The following RECQL5 variants were observed in gnomAD, a reference collection of about 807,000 sequenced individuals.
The protein encoded by RECQL5 is RecQ like helicase 5, also known as ATP-dependent DNA helicase Q5.
A neutral mutation model predicts 103.4 loss-of-function variants in RECQL5; 88 were observed. That is an observed-to-expected ratio of 0.85 (90% CI 0.72 to 1.02). The LOEUF (loss-of-function observed/expected upper bound fraction) is 1.02, where lower values mean the gene tolerates loss of function less well. Among genes scored for constraint, RECQL5 ranks in the 50% least tolerant of loss-of-function variants. The pLI is 0.00. For synonymous variants in RECQL5, 552 were observed against 507.9 expected, an observed-to-expected ratio of 1.09 and a Z score of -1.17; for missense variants, 1,232 against 1,284.3, an observed-to-expected ratio of 0.96 and a Z score of 0.62.
intron 7 of RECQL5, among the ~76,000 whole-genome samples, chr17:75,654,748 T>C (rs1455998780): frequency 6.6e-6 from 1 of 152,096 alleles, no homozygotes; most frequent in Non-Finnish European, 1.5e-5. Context: ...GCATCCTGAG[T>C]AGCTAGAACT....
At chr17:75,658,658 C>G (rs1358246547) in intron 6 of RECQL5, among the ~76,000 whole-genome samples, 198 bp from the exon 7 acceptor site, 1 of 152,098 alleles carries the variant, frequency 6.6e-6, no homozygotes, top group Non-Finnish European at 1.5e-5. Context: ...GAGGCCACAG[C>G]AGGAGTTAAG....
intron 8 of RECQL5, chr17:75,633,489 C>T (rs766955854): frequency 8.7e-5 from 112 of 1,288,916 alleles, no homozygotes; most frequent in Non-Finnish European, 1.0e-4. Context: ...CCTTGCCGGG[C>T]GCGCAGGCCA....
In RECQL5 at chr17:75,627,378, T is replaced by TAG; in HGVS notation, c.*42_*43dup. The TAG allele has an allele frequency of 6.8e-7, 1 of 1,461,334 alleles. No homozygotes were observed. The highest frequency in any genetic ancestry group is 1.7e-5 in the Admixed American group (1 of 59,788). 90.5% of individuals were successfully genotyped at this position (1,461,334 alleles called of 1,614,324 possible). Reference sequence around the variant, plus strand: ...AGGTGAGGCCCAGGATGACCCATGCTAGAATCTGGGGGAGGACGCGGGCCC... The same window carrying TAG: ...AGGTGAGGCCCAGGATGACCCATGCTAGAGAATCTGGGGGAGGACGCGGGCCC... On this transcript the variant is annotated 3_prime_UTR_variant, in exon 20 of 20. Coordinates refer to ENST00000317905, the MANE Select transcript of RECQL5 (RefSeq NM_004259.7).
Position 75,658,382 on chromosome 17 carries a change from C to G in RECQL5, c.1065G>C (p.Lys355Asn). The G allele has an allele frequency of 6.2e-7, 1 of 1,614,102 alleles. No individual in the cohort carries two copies. Among genetic ancestry groups the G allele is most frequent in the Non-Finnish European group, 8.5e-7 (1 of 1,179,974 alleles). Residue 355 changes from lysine (K) to asparagine (N), a missense_variant, in exon 7 of 20, where the codon AAG (lysine) becomes AAC (asparagine). Physicochemically the swap from Lys to Asn is moderately conservative, Grantham distance 94 (BLOSUM62 0). Coordinates refer to ENST00000317905, the MANE Select transcript of RECQL5 (RefSeq NM_004259.7). ...AGTAATAGAGACGGCACCAGGAAGG[C>G]TTCCCATCCCTGCCAGCCCGGCCAG... The part of the protein sequence containing the change: ...QESGRAGRDG[K>N]PSWCRLYYSR...
Position 75,665,771 on chromosome 17 carries a change from G to C in RECQL5, c.131-599C>G, listed in dbSNP as rs372790958. 2.0e-4 allele frequency among the ~76,000 whole-genome samples: 30 copies of C among 152,096 alleles called. No individual in the cohort carries two copies. In the South Asian group the frequency reaches 5.0e-3, roughly 25 times the overall value. ...TAAACAGCCATGAAAGCAGAGTACT[G>C]CTAGATGAGTGGGTACATCTGTGTA... is the stretch of plus-strand genomic sequence containing the variant. On this transcript the variant is annotated intron_variant, in intron 2 of 19. Transcript: ENST00000317905.
intron 10 of RECQL5, 50 bp downstream of exon 10, chr17:75,631,100 G>A: frequency 1.2e-6 from 2 of 1,609,750 alleles, no homozygotes; most frequent in Non-Finnish European, 1.7e-6. Flanking sequence ...AGAGGTGCGA[G>A]CAGGGGGCCA....
intron 7 of RECQL5, among the ~76,000 whole-genome samples, chr17:75,654,052 C>A (rs2059587444): frequency 6.6e-6 from 1 of 152,174 alleles, no homozygotes. Context: ...CCCAACTTCC[C>A]AATATGTTTA....
At chr17:75,643,117 T>C (rs1384433799) in intron 8 of RECQL5, among the ~76,000 whole-genome samples, 3 of 152,210 alleles carry the variant, frequency 2.0e-5, no homozygotes, top group African/African-American at 2.4e-5. Context: ...CACAGGGTAG[T>C]GGACGGACAG....
intron 7 of RECQL5, among the ~76,000 whole-genome samples, chr17:75,654,951 C>T (rs1568279829): frequency 6.6e-6 from 1 of 152,138 alleles, no homozygotes; most frequent in Non-Finnish European, 1.5e-5. Context: ...TACCACTACA[C>T]CCAGCTAATT....
rs78262004 is a variant in RECQL5 at position 75,636,495 on chromosome 17, G to C, written c.1230-4827C>G. On this transcript the variant is annotated intron_variant, in intron 8 of 19. Transcript: ENST00000317905. The surrounding 1 kb of genome is among the most constrained non-coding windows in gnomAD (Gnocchi z 5.4). ...GCCTCAGAGCTCCCATGTTCCCCTC[G>C]CCACAGCTGGGAACACTAAGGTTCC... The C allele has an allele frequency of 6.6e-6, 1 of 152,184 alleles. No homozygotes were observed. Among genetic ancestry groups the C allele is most frequent in the Admixed American group, 6.5e-5 (1 of 15,278 alleles). The allele number at this position is 152,184 out of a possible 1,614,324, so 9.4% of individuals were successfully genotyped here.
chr17:75,632,051 C>T (rs1312777521), intron 8 of RECQL5, among the ~76,000 whole-genome samples: 1 of 152,194 alleles, frequency 6.6e-6, no homozygotes, highest in African/African-American at 2.4e-5. Flanking sequence ...CATGCATTCC[C>T]GTCAGTAAGA....
chr17:75,665,069 A>G lies in RECQL5; in HGVS notation c.234T>C (p.Pro78=), dbSNP rs956724162. 1.2e-6 allele frequency: 2 copies of G among 1,605,500 alleles called. No individual in the cohort carries two copies. The highest frequency in any genetic ancestry group is 1.7e-5 in the Admixed American group (1 of 58,308). The change falls in exon 3 of 20, where the codon CCT becomes CCC. Residue 78 remains proline, a synonymous_variant. Transcript: ENST00000317905. ...LAKGITIVVS[P]LIALIQDQVD... ...GCCTCACCTGAATCAAAGCAATGAG[A>G]GGAGAGACTACAATGGTGATGCCTT...
chr17:75,654,272 GA>G (rs1161253924), intron 7 of RECQL5, among the ~76,000 whole-genome samples: 1 of 152,100 alleles, frequency 6.6e-6, no homozygotes, highest in Non-Finnish European at 1.5e-5. Flanking sequence ...CTAACATAAT[GA>G]ACAATTCATT....
At chr17:75,663,830 A>G (rs2059730671) in intron 3 of RECQL5, among the ~76,000 whole-genome samples, 1 of 152,136 alleles carries the variant, frequency 6.6e-6, no homozygotes, top group African/African-American at 2.4e-5. Flanking sequence ...TGAGGCGGGC[A>G]GATCACCTGA....
chr17:75,653,843 AGCT>A (rs2059584617), intron 7 of RECQL5, among the ~76,000 whole-genome samples: 1 of 152,090 alleles, frequency 6.6e-6, no homozygotes, highest in Non-Finnish European at 1.5e-5. Context: ...GAATGCAGTG[AGCT>A]GAGATTGCAC....
rs1352257590 is a variant in RECQL5 at position 75,662,546 on chromosome 17, A to G, written c.704T>C (p.Ile235Thr). ...CTTCAGGTTCCCATAGGGATCAGAA[A>G]TCAGTTCCTTGAATTGCACATCATA... ...LFYDVQFKEL[I>T]SDPYGNLKDF... The change falls in exon 4 of 20, where the codon ATT becomes ACT. Residue 235 changes from isoleucine (I) to threonine (T), a missense_variant. By Grantham distance (89) the Ile-to-Thr change is moderately conservative. Coordinates refer to ENST00000317905, the MANE Select transcript of RECQL5 (RefSeq NM_004259.7). The G allele has an allele frequency of 1.2e-6, 2 of 1,614,076 alleles. No individual in the cohort carries two copies. The highest frequency in any genetic ancestry group is 1.7e-6 in the Non-Finnish European group (2 of 1,180,036).
intron 3 of RECQL5, among the ~76,000 whole-genome samples, chr17:75,664,197 C>T (rs528517735): frequency 3.5e-4 from 53 of 152,298 alleles, no homozygotes; most frequent in South Asian, 3.1e-3. Context: ...CTTACCCACA[C>T]AGCCACACTT....
chr17:75,658,304 T>C lies in RECQL5; in HGVS notation c.1143A>G (p.Lys381=). Residue 381 remains lysine, a synonymous_variant, in exon 7 of 20, where the codon AAA becomes AAG. Transcript: ENST00000317905. ...VSFLIRKEVA[K]LQEKRGNKAS... is the part of the protein sequence containing the mutation. Reference sequence around the variant, plus strand: ...TCTACTGCCCAAGCCTTACCTGGAGTTTTGCTACTTCCTTCCTGATCAGGA... The same window carrying C: ...TCTACTGCCCAAGCCTTACCTGGAGCTTTGCTACTTCCTTCCTGATCAGGA... The C allele has an allele frequency of 6.2e-7, 1 of 1,612,892 alleles. No homozygotes were observed.
chr17:75,651,361 G>T, intron 7 of RECQL5, 96 bp from the exon 8 acceptor site: 1 of 1,410,402 alleles, frequency 7.1e-7, no homozygotes, highest in Non-Finnish European at 9.9e-7. Flanking sequence ...GTGGCTCACG[G>T]CTGTAATCCC....
Sources: allele counts gnomAD v4.1 joint callset (sites outside exome capture counted in the v4.1 genomes callset), GRCh38; gene constraint gnomAD v4.1.1; non-coding constraint Gnocchi (gnomAD v3.1); transcripts MANE v1.5; gene names NCBI Gene and HGNC (gene_info 2026-07-23, HGNC 2026-07-21).